The following BBX variants were observed in gnomAD, a reference collection of about 807,000 sequenced individuals.
The protein encoded by BBX is BBX high mobility group box domain containing, also known as HMG box transcription factor BBX.
BBX carries 30 observed loss-of-function variants against 100.2 expected under a neutral mutation model. That is an observed-to-expected ratio of 0.30 (90% CI 0.22 to 0.41). BBX has a LOEUF of 0.41. Ranked by LOEUF, BBX falls within the 10% of genes least tolerant of loss-of-function variation. BBX has a pLI of 1.00. For synonymous variants in BBX, 376 were observed against 388.1 expected, an observed-to-expected ratio of 0.97 and a Z score of 0.37; for missense variants, 1,023 against 1,129.8, an observed-to-expected ratio of 0.91 and a Z score of 1.35.
intron 13 of BBX, among the ~76,000 whole-genome samples, chr3:107,787,483 G>C (rs1256146812): frequency 6.6e-6 from 1 of 152,176 alleles, no homozygotes; most frequent in Non-Finnish European, 1.5e-5. Context: ...GTTGCTTAGG[G>C]AGAGGGGGAA....
At chr3:107,664,362 A>G (rs1212746246) in intron 3 of BBX, among the ~76,000 whole-genome samples, 1 of 152,170 alleles carries the variant, frequency 6.6e-6, no homozygotes, top group Non-Finnish European at 1.5e-5. Context: ...TCTGGCTCCT[A>G]TAGTTCTTTA....
chr3:107,621,740 G>A (rs2055784918), intron 2 of BBX, among the ~76,000 whole-genome samples: 1 of 152,116 alleles, frequency 6.6e-6, no homozygotes, highest in Admixed American at 6.6e-5. Context: ...GAAGCATATT[G>A]GGTAGGATTA....
intron 2 of BBX, among the ~76,000 whole-genome samples, chr3:107,616,903 G>A (rs1234713244): frequency 6.6e-6 from 1 of 152,000 alleles, no homozygotes; most frequent in African/African-American, 2.4e-5. Context: ...TCAAAGTCCA[G>A]ATTACTAATT....
chr3:107,627,009 T>G (rs757543898), intron 2 of BBX, among the ~76,000 whole-genome samples: 12 of 152,198 alleles, frequency 7.9e-5, no homozygotes, highest in African/African-American at 1.2e-4. Context: ...CCAGAGCAAG[T>G]AGTCCAAGAG....
intron 2 of BBX, among the ~76,000 whole-genome samples, chr3:107,560,673 A>G (rs891818722): frequency 2.0e-5 from 3 of 152,222 alleles, no homozygotes; most frequent in African/African-American, 7.2e-5. Context: ...AGGAAATTCT[A>G]AAGATTTCCT....
At chr3:107,610,512 A>G (rs1049937595) in intron 2 of BBX, among the ~76,000 whole-genome samples, 1 of 152,022 alleles carries the variant, frequency 6.6e-6, no homozygotes, top group Non-Finnish European at 1.5e-5. Context: ...TTATTTATGT[A>G]TCTGGGTGTT....
chr3:107,764,161 T>C (rs1560116134), intron 10 of BBX, among the ~76,000 whole-genome samples: 1 of 152,056 alleles, frequency 6.6e-6, no homozygotes, highest in Non-Finnish European at 1.5e-5. Flanking sequence ...CCCAGCTAAT[T>C]TTGTGTTTCC....
intron 3 of BBX, among the ~76,000 whole-genome samples, chr3:107,677,074 T>C (rs1456046167): frequency 6.6e-6 from 1 of 152,182 alleles, no homozygotes; most frequent in African/African-American, 2.4e-5. Context: ...CCAGTCATTT[T>C]GTCATACTGC....
chr3:107,738,290 T>C (rs193139223), intron 7 of BBX, among the ~76,000 whole-genome samples: 115 of 152,220 alleles, frequency 7.6e-4, no homozygotes, highest in African/African-American at 2.7e-3. Flanking sequence ...ATTTTCTTAT[T>C]GTATTATATG....
At chr3:107,656,546 A>G (rs1026830866) in intron 3 of BBX, among the ~76,000 whole-genome samples, 1 of 152,168 alleles carries the variant, frequency 6.6e-6, no homozygotes, top group African/African-American at 2.4e-5. Context: ...TTATTAATAT[A>G]TATTGAGAAA....
At chr3:107,726,120 C>T (rs370584379) in intron 5 of BBX, among the ~76,000 whole-genome samples, 2 of 151,918 alleles carry the variant, frequency 1.3e-5, no homozygotes, top group Non-Finnish European at 2.9e-5. Context: ...CTCAGCTGTT[C>T]GCTTCAGAGG....
chr3:107,756,854 C>T (rs1339949702), intron 10 of BBX, among the ~76,000 whole-genome samples: 4 of 152,068 alleles, frequency 2.6e-5, no homozygotes, highest in Non-Finnish European at 4.4e-5. Context: ...TGAGTCAGTG[C>T]AAAGTACTAC....
chr3:107,539,542 C>T lies in BBX; in HGVS notation c.-84+13144C>T, dbSNP rs2048732725. ...CCAGGCTAACCCCACCTGGGCCAAA[C>T]AACTCACCCCAAATGTGTGATTATC... On this transcript the variant is annotated intron_variant, in intron 2 of 17. Coordinates refer to ENST00000325805, the MANE Select transcript of BBX (RefSeq NM_001142568.3). Among the ~76,000 whole-genome samples the T allele has an allele frequency of 1.3e-5, 2 of 152,136 alleles. 1 individual carries two copies. The highest frequency in any genetic ancestry group is 4.2e-4 in the South Asian group (2 of 4,818).
chr3:107,557,320 T>C (rs1315237146), intron 2 of BBX, among the ~76,000 whole-genome samples: 3 of 152,140 alleles, frequency 2.0e-5, no homozygotes, highest in Non-Finnish European at 4.4e-5. Context: ...GTGGCCTTCA[T>C]CACCAAGATA....
intron 2 of BBX, among the ~76,000 whole-genome samples, chr3:107,556,349 T>C (rs2050097560): frequency 6.6e-6 from 1 of 152,228 alleles, no homozygotes; most frequent in Non-Finnish European, 1.5e-5. Context: ...TTGGTATGTG[T>C]GTATTTTGTT....
chr3:107,739,829 C>T (rs2063931751), intron 7 of BBX, among the ~76,000 whole-genome samples: 1 of 152,136 alleles, frequency 6.6e-6, no homozygotes, highest in Non-Finnish European at 1.5e-5. Flanking sequence ...TGGCATTGTA[C>T]CTACTTTATC....
At chr3:107,678,388 A>AT in intron 3 of BBX, among the ~76,000 whole-genome samples, 2 of 152,186 alleles carry the variant, frequency 1.3e-5, no homozygotes, top group Middle Eastern at 6.8e-3. Flanking sequence ...TATTGAATGA[A>AT]TTTTTTACTT....
intron 3 of BBX, among the ~76,000 whole-genome samples, chr3:107,648,391 G>A (rs779379917): frequency 1.9e-4 from 29 of 152,036 alleles, no homozygotes; most frequent in Non-Finnish European, 4.0e-4. Flanking sequence ...TGGACCCTCT[G>A]TAATTTGCAT....
At chr3:107,632,116 A>C (rs1227052848) in intron 2 of BBX, among the ~76,000 whole-genome samples, 1 of 151,954 alleles carries the variant, frequency 6.6e-6, no homozygotes, top group Non-Finnish European at 1.5e-5. Flanking sequence ...TCCCTCTGCC[A>C]CTCAGGCTGG....
Sources: allele counts gnomAD v4.1 joint callset (sites outside exome capture counted in the v4.1 genomes callset), GRCh38; gene constraint gnomAD v4.1.1; transcripts MANE v1.5; gene names NCBI Gene and HGNC (gene_info 2026-07-23, HGNC 2026-07-21).